Variants in KIAA1549L observed in about 807,000 individuals in gnomAD.
The protein encoded by KIAA1549L is KIAA1549 like, also known as UPF0606 protein KIAA1549L.
In KIAA1549L, 88 loss-of-function variants were observed where a neutral mutation model predicts 160.7. That is an observed-to-expected ratio of 0.55 (90% CI 0.46 to 0.65). The LOEUF (loss-of-function observed/expected upper bound fraction) is 0.65. Among genes scored for constraint, KIAA1549L ranks in the 30% least tolerant of loss-of-function variants. The pLI is 0.00. For synonymous variants in KIAA1549L, 950 were observed against 976.7 expected (o/e 0.97, Z 0.51); for missense variants, 2,258 against 2,437.5 (o/e 0.93, Z 1.55).
chr11:33,608,208 C>T (rs1423470050), intron 14 of KIAA1549L, among the ~76,000 whole-genome samples: 5 of 152,152 alleles, frequency 3.3e-5, no homozygotes, highest in African/African-American at 9.7e-5. Flanking sequence ...TCAGTATCTC[C>T]GTTTATAAAA....
intron 1 of KIAA1549L, among the ~76,000 whole-genome samples, chr11:33,491,610 AC>A (rs1852665500): frequency 6.6e-6 from 1 of 152,108 alleles, no homozygotes; most frequent in South Asian, 2.1e-4. Context: ...AAAAAATAAA[AC>A]TAAAACATCC....
intron 16 of KIAA1549L, among the ~76,000 whole-genome samples, chr11:33,637,191 C>T (rs185003206): frequency 6.6e-6 from 1 of 152,202 alleles, no homozygotes; most frequent in Non-Finnish European, 1.5e-5. Context: ...CTTTCCTTCA[C>T]TCTCACATCT....
At chr11:33,449,982 G>C (rs1851687576) in intron 1 of KIAA1549L, among the ~76,000 whole-genome samples, 1 of 152,148 alleles carries the variant, frequency 6.6e-6, no homozygotes, top group African/African-American at 2.4e-5. Flanking sequence ...ATCCATCACT[G>C]TTTGTCTTAA....
chr11:33,651,393 C>T (rs1191783351), intron 17 of KIAA1549L, among the ~76,000 whole-genome samples: 2 of 151,170 alleles, frequency 1.3e-5, no homozygotes, highest in Admixed American at 1.3e-4. Flanking sequence ...GCCGAGATCA[C>T]GCCATTGCAC....
intron 16 of KIAA1549L, among the ~76,000 whole-genome samples, chr11:33,628,480 G>A (rs1170141752): frequency 6.6e-5 from 10 of 150,566 alleles, no homozygotes; most frequent in Non-Finnish European, 8.8e-5. Context: ...TGTATTGGGC[G>A]CATATATATT....
At chr11:33,524,173 A>G (rs1343040311) in intron 1 of KIAA1549L, among the ~76,000 whole-genome samples, 1 of 151,934 alleles carries the variant, frequency 6.6e-6, no homozygotes, top group Non-Finnish European at 1.5e-5. Context: ...TAGGTTTTTC[A>G]TTTCTGGATT....
At chr11:33,391,175 T>C (rs1378491551) in intron 1 of KIAA1549L, among the ~76,000 whole-genome samples, 1 of 152,236 alleles carries the variant, frequency 6.6e-6, no homozygotes, top group Non-Finnish European at 1.5e-5. Flanking sequence ...TATAAAAAAT[T>C]GCAATTTCCT....
rs766406130 is a variant in KIAA1549L, at chr11:33,668,156, G to A, written c.*2G>A. The A allele has an allele frequency of 1.2e-6, 2 of 1,611,284 alleles. No individual in the cohort carries two copies. Among genetic ancestry groups the A allele is most frequent in the Non-Finnish European group, 1.7e-6 (2 of 1,178,526 alleles). On this transcript the variant is annotated 3_prime_UTR_variant, in exon 21 of 21. Coordinates refer to ENST00000658780, the MANE Select transcript of KIAA1549L (RefSeq NM_012194.3). ...GACATGTTTGAGTTCCAGGTCTAAC[G>A]CCTTAGCCCCGTGGGACTCTGGACT...
chr11:33,645,451 T>C (rs1017581949), intron 16 of KIAA1549L, among the ~76,000 whole-genome samples: 1 of 152,148 alleles, frequency 6.6e-6, no homozygotes, highest in Admixed American at 6.5e-5. Flanking sequence ...CCTGCAGCAT[T>C]GGTCAATCTA....
chr11:33,546,456 C>A (rs536775798), intron 3 of KIAA1549L, among the ~76,000 whole-genome samples: 1 of 152,272 alleles, frequency 6.6e-6, no homozygotes, highest in East Asian at 1.9e-4. Context: ...TACATCTAAT[C>A]AATCACCAGT....
intron 11 of KIAA1549L, among the ~76,000 whole-genome samples, chr11:33,588,949 C>A (rs1849962374): frequency 2.6e-5 from 4 of 152,188 alleles, no homozygotes; most frequent in African/African-American, 7.2e-5. Flanking sequence ...AAACTCCATC[C>A]TGTTCTGAGA....
intron 13 of KIAA1549L, among the ~76,000 whole-genome samples, chr11:33,601,800 A>T (rs939507286): frequency 1.3e-5 from 2 of 152,212 alleles, no homozygotes; most frequent in African/African-American, 4.8e-5. Context: ...AAAGGAAAAG[A>T]CACTATTCTG....
chr11:33,404,151 A>G (rs913254008), intron 1 of KIAA1549L, among the ~76,000 whole-genome samples: 4 of 152,208 alleles, frequency 2.6e-5, no homozygotes, highest in Admixed American at 1.3e-4. Flanking sequence ...TGGATCCTTT[A>G]AATCTCCTGT....
In KIAA1549L at chr11:33,376,201, A is replaced by C. The variant is rs1849948644; in HGVS notation, c.-451A>C. Among the ~76,000 whole-genome samples the C allele has an allele frequency of 6.7e-6, 1 of 149,214 alleles. No individual in the cohort carries two copies. The highest frequency in any genetic ancestry group is 1.5e-5 in the Non-Finnish European group (1 of 66,898). ...GGAACCCGAAGCCCAGCGAGGAGCG[A>C]GGAGCGAGGAGCCAGGACAGCGGGG... On this transcript the variant is annotated 5_prime_UTR_variant, in exon 1 of 21. Transcript: ENST00000658780. The surrounding 1 kb of genome is among the most constrained non-coding windows in gnomAD (Gnocchi z 5.8).
intron 1 of KIAA1549L, among the ~76,000 whole-genome samples, chr11:33,506,606 C>T (rs10836068): frequency 0.21 from 31,741 of 151,306 alleles, 3,518 homozygotes; most frequent in East Asian, 0.33. Context: ...GTCCTAGCTA[C>T]TTGGGAGGCT....
chr11:33,513,778 G>A (rs1853279230), intron 1 of KIAA1549L, among the ~76,000 whole-genome samples: 1 of 152,200 alleles, frequency 6.6e-6, no homozygotes, highest in Non-Finnish European at 1.5e-5. Context: ...GGGGGTGGTA[G>A]CAAATGAACT....
At chr11:33,576,528 GCTCTTTCTCC>G (rs1855452795) in intron 10 of KIAA1549L, among the ~76,000 whole-genome samples, 1 of 152,114 alleles carries the variant, frequency 6.6e-6, no homozygotes, top group Admixed American at 6.6e-5. Context: ...TCTGTTCTCA[GCTCTTTCTCC>G]CTCTCTCCAG....
chr11:33,626,156 A>G (rs1490397714), intron 16 of KIAA1549L, among the ~76,000 whole-genome samples: 1 of 147,782 alleles, frequency 6.8e-6, no homozygotes, highest in African/African-American at 2.6e-5. Context: ...TGTTTTGGTT[A>G]CTGTAGCCTT....
chr11:33,585,240 C>G (rs552397554), intron 11 of KIAA1549L, among the ~76,000 whole-genome samples: 1 of 152,138 alleles, frequency 6.6e-6, no homozygotes, highest in African/African-American at 2.4e-5. Context: ...GCATTTTGGC[C>G]GGGCGCGGTG....
Sources: gnomAD v4.1 joint callset for allele counts (sites outside exome capture counted in the v4.1 genomes callset) on GRCh38, gnomAD v4.1.1 for gene constraint, Gnocchi (gnomAD v3.1) non-coding constraint, MANE v1.5 for transcripts, NCBI Gene and HGNC (gene_info 2026-07-23, HGNC 2026-07-21) for gene names.